Variants in MAP4K4 observed in about 807,000 individuals in gnomAD.
MAP4K4 encodes HPK/GCK-like kinase HGK.
In MAP4K4, 38 loss-of-function variants were observed where a neutral mutation model predicts 189.6. The observed-to-expected ratio is 0.20, with a 90% CI of 0.15 to 0.26. The LOEUF is 0.26. Among genes scored for constraint, MAP4K4 ranks in the 10% least tolerant of loss-of-function variants. The pLI, the probability that MAP4K4 is intolerant of heterozygous loss-of-function variation, is 1.00. For synonymous variants in MAP4K4, 610 were observed against 624.3 expected, an observed-to-expected ratio of 0.98 and a Z score of 0.34; for missense variants, 1,054 against 1,726.9, an observed-to-expected ratio of 0.61 and a Z score of 6.91.
At chr2:101,886,423 T>C (rs113737184) in intron 29 of MAP4K4, among the ~76,000 whole-genome samples, 12 of 152,100 alleles carry the variant, frequency 7.9e-5, no homozygotes, top group Non-Finnish European at 1.2e-4. Flanking sequence ...CAATTTTCAG[T>C]GTGTGACTCC....
chr2:101,733,864 T>G (rs1279869007), intron 2 of MAP4K4, among the ~76,000 whole-genome samples: 1 of 152,196 alleles, frequency 6.6e-6, no homozygotes, highest in Non-Finnish European at 1.5e-5. Flanking sequence ...AGCCAGTTCT[T>G]TCACATACTA....
At chr2:101,883,816 C>T (rs758873365) in intron 28 of MAP4K4, among the ~76,000 whole-genome samples, 3 of 151,986 alleles carry the variant, frequency 2.0e-5, no homozygotes, top group Admixed American at 1.3e-4. Context: ...CCCCTCAGCT[C>T]GTGGGTTAAT....
chr2:101,833,488 C>T (rs1280957925), intron 7 of MAP4K4, among the ~76,000 whole-genome samples: 6 of 151,944 alleles, frequency 3.9e-5, no homozygotes, highest in East Asian at 1.9e-4. Flanking sequence ...GGCATGGTGG[C>T]GGGCGCCTGT....
intron 24 of MAP4K4, among the ~76,000 whole-genome samples, chr2:101,873,039 T>G (rs2098096206): frequency 6.6e-6 from 1 of 152,196 alleles, no homozygotes; most frequent in South Asian, 2.1e-4. Context: ...GTTACATTAT[T>G]AACCAAAACA....
At chr2:101,704,166 C>T (rs996627050) in intron 2 of MAP4K4, among the ~76,000 whole-genome samples, 3 of 151,966 alleles carry the variant, frequency 2.0e-5, no homozygotes, top group Admixed American at 1.3e-4. Flanking sequence ...TTTGTAGAAC[C>T]AGATGTTTTC....
At position 101,873,992 on chromosome 2, in the gene MAP4K4, C is replaced by G. The variant is rs1288696336; in HGVS notation, c.3071-90C>G. The G allele has an allele frequency of 7.9e-6, 9 of 1,146,178 alleles. No homozygotes were observed. In the East Asian group the frequency reaches 1.5e-4, roughly 19 times the overall value. The allele number at this position is 1,146,178 out of a possible 1,614,324, so 71.0% of individuals were successfully genotyped here. A position where few individuals can be genotyped will look rare whatever the true frequency, so the allele number is the denominator to read the frequency against. ...CTTTGACAAAGTGTTGGTTATACCA[C>G]ATGAATATTTACTTGAAGTATACTG... On this transcript the variant is annotated intron_variant, in intron 25 of 32. Transcript: ENST00000324219.
intron 2 of MAP4K4, among the ~76,000 whole-genome samples, chr2:101,779,306 A>G (rs1370529571): frequency 6.6e-6 from 1 of 152,160 alleles, no homozygotes; most frequent in Admixed American, 6.5e-5. Flanking sequence ...TGATTATTGC[A>G]TGGCCTCATT....
rs556428284 is a variant in MAP4K4 at position 101,794,062 on chromosome 2, T to C, written c.180+3286T>C. On this transcript the variant is annotated intron_variant, in intron 3 of 32. Coordinates refer to ENST00000324219, the Ensembl canonical transcript of MAP4K4. ...TTAAGAATTGACTATCCTTAGGATT[T>C]TGAAAGGCTCTTTTTAGGGAAAGCA... is the stretch of plus-strand genomic sequence containing the variant. 5.3e-4 allele frequency among the ~76,000 whole-genome samples: 81 copies of C among 152,332 alleles called. No homozygotes were observed. The South Asian group carries it at 0.014, about 26-fold the overall frequency.
intron 12 of MAP4K4, among the ~76,000 whole-genome samples, chr2:101,844,899 C>T (rs1252804715): frequency 2.0e-5 from 3 of 151,914 alleles, no homozygotes; most frequent in Admixed American, 6.6e-5. Flanking sequence ...TAACAAACCA[C>T]GTTCTGCAGT....
chr2:101,762,101 G>A (rs1480617170), intron 2 of MAP4K4, among the ~76,000 whole-genome samples: 2 of 152,176 alleles, frequency 1.3e-5, no homozygotes, highest in East Asian at 3.9e-4. Context: ...TTGTTTTCAG[G>A]ATTAGAAGGT....
chr2:101,850,355 A>G (rs546831151), intron 12 of MAP4K4, among the ~76,000 whole-genome samples: 1 of 152,364 alleles, frequency 6.6e-6, no homozygotes, highest in South Asian at 2.1e-4. Context: ...AGGAAAACAT[A>G]AAAGTTTCTC....
At chr2:101,843,041 G>A (rs2096968740) in intron 11 of MAP4K4, among the ~76,000 whole-genome samples, 1 of 152,168 alleles carries the variant, frequency 6.6e-6, no homozygotes, top group Non-Finnish European at 1.5e-5. Context: ...TACACAAAAA[G>A]AATTGTCCCG....
chr2:101,872,260 C>G (rs781644228), intron 24 of MAP4K4, among the ~76,000 whole-genome samples: 1 of 151,866 alleles, frequency 6.6e-6, no homozygotes, highest in Non-Finnish European at 1.5e-5. Flanking sequence ...TTTACAATCA[C>G]TCAGAGGTTT....
intron 16 of MAP4K4, among the ~76,000 whole-genome samples, chr2:101,863,346 T>A (rs956676464): frequency 2.0e-5 from 3 of 152,208 alleles, no homozygotes; most frequent in African/African-American, 7.2e-5. Flanking sequence ...CGTGCCATTT[T>A]GTTACTCGCT....
intron 6 of MAP4K4, among the ~76,000 whole-genome samples, chr2:101,830,321 C>T (rs1009786722): frequency 6.6e-5 from 10 of 152,100 alleles, no homozygotes; most frequent in South Asian, 2.1e-4. Flanking sequence ...TAAATTTCTG[C>T]GTGGTTAGAT....
chr2:101,731,497 G>A (rs2058475976), intron 2 of MAP4K4, among the ~76,000 whole-genome samples: 1 of 152,092 alleles, frequency 6.6e-6, no homozygotes, highest in African/African-American at 2.4e-5. Context: ...GGTGGCTCAC[G>A]CCTGTAATCC....
At chr2:101,824,132 G>GGGGGGGGGGGGGGGGGGGA in intron 4 of MAP4K4, 79 bp downstream of exon 4, 3 of 56,768 alleles carry the variant, frequency 5.3e-5, no homozygotes, top group Non-Finnish European at 1.1e-4. Flanking sequence ...GGGGGCGGGG[G>GGGGGGGGGGGGGGGGGGGA]AAAGAGGGGG....
intron 3 of MAP4K4, among the ~76,000 whole-genome samples, chr2:101,801,681 A>G (rs564537934): frequency 3.3e-5 from 5 of 152,336 alleles, no homozygotes; most frequent in South Asian, 2.1e-4. Flanking sequence ...CCAAAGGCCA[A>G]CCTTGTAAGC....
chr2:101,785,657 TTCTTCTTTCTTTCTTTCTCC>T (rs1338935579), intron 2 of MAP4K4, among the ~76,000 whole-genome samples: 1 of 59,904 alleles, frequency 1.7e-5, no homozygotes, highest in Admixed American at 1.5e-4. Flanking sequence ...CATTGCCATC[TTCTTCTTTCTTTCTTTCTCC>T]CTCTCTCTCT....
Sources: allele counts gnomAD v4.1 joint callset (sites outside exome capture counted in the v4.1 genomes callset), GRCh38; gene constraint gnomAD v4.1.1; transcripts MANE v1.5; gene names NCBI Gene and HGNC (gene_info 2026-07-23, HGNC 2026-07-21).